Variants in CDC42BPA observed in about 807,000 individuals in gnomAD.
The protein encoded by CDC42BPA is CDC42 binding protein kinase alpha, also known as serine/threonine-protein kinase MRCK alpha.
Under a neutral mutation model 223.5 loss-of-function variants are expected in CDC42BPA, and 80 were observed. That is an observed-to-expected ratio of 0.36 (90% CI 0.30 to 0.43). The LOEUF (loss-of-function observed/expected upper bound fraction) is 0.43. CDC42BPA is among the 20% of genes least tolerant of loss of function. CDC42BPA has a pLI of 1.00. For synonymous variants in CDC42BPA, 694 were observed against 718.6 expected (o/e 0.97, Z 0.55); for missense variants, 1,743 against 2,099.9 (o/e 0.83, Z 3.32).
chr1:227,169,038 G>A (rs551214500), intron 5 of CDC42BPA, among the ~76,000 whole-genome samples: 6 of 152,022 alleles, frequency 3.9e-5, no homozygotes, highest in African/African-American at 1.2e-4. Flanking sequence ...TCTTTACTTT[G>A]TCATCTCCAC....
At chr1:227,037,096 A>G (rs777866002) in intron 24 of CDC42BPA, among the ~76,000 whole-genome samples, 15 of 152,358 alleles carry the variant, frequency 9.8e-5, no homozygotes, top group South Asian at 6.2e-4. Context: ...AAAAAATGAC[A>G]TGGGACTTAA....
intron 19 of CDC42BPA, 113 bp downstream of exon 19, chr1:227,073,751 T>C: frequency 1.3e-6 from 1 of 765,212 alleles, no homozygotes; most frequent in East Asian, 2.8e-5. Flanking sequence ...TGTAACATAT[T>C]TGGCCATCAT....
At chr1:227,202,760 C>CAAAAA (rs35609906) in intron 3 of CDC42BPA, among the ~76,000 whole-genome samples, 4 of 114,388 alleles carry the variant, frequency 3.5e-5, no homozygotes, top group Admixed American at 2.9e-4. Flanking sequence ...TCTCTACAGG[C>CAAAAA]AAAAAAAAAA....
At position 227,041,238 on chromosome 1, in the gene CDC42BPA, C is replaced by T. The variant is rs897016919; in HGVS notation, c.3094-1002G>A. 3.3e-5 allele frequency among the ~76,000 whole-genome samples: 5 copies of T among 152,054 alleles called. No individual in the cohort carries two copies. The East Asian group carries it at 9.6e-4, about 29-fold the overall frequency. ...ATGATGCTGAAGTTTAGGGCATGAC[C>T]GATCCATATTACCCAGGTACTGAGC... is the stretch of plus-strand genomic sequence containing the variant. On this transcript the variant is annotated intron_variant, in intron 23 of 36. Coordinates refer to ENST00000366766, the MANE Select transcript of CDC42BPA (RefSeq NM_001394014.1).
rs186264319 is a variant in CDC42BPA at position 227,072,048 on chromosome 1, T to C, written c.2827+160A>G. Among the ~76,000 whole-genome samples the C allele has an allele frequency of 7.2e-5, 11 of 152,086 alleles. No homozygotes were observed. In the East Asian group the frequency reaches 7.7e-4, roughly 11 times the overall value. On this transcript the variant is annotated intron_variant, in intron 20 of 36. Coordinates refer to ENST00000366766, the MANE Select transcript of CDC42BPA (RefSeq NM_001394014.1). ...GGTCAGTCTTCCAAATGTGTGTGTATGCACATGCATCATATATACACACGT... is the reference window on the plus strand; with the variant it reads ...GGTCAGTCTTCCAAATGTGTGTGTACGCACATGCATCATATATACACACGT...
intron 1 of CDC42BPA, among the ~76,000 whole-genome samples, chr1:227,289,573 C>G (rs895320759): frequency 1.3e-5 from 2 of 152,148 alleles, no homozygotes; most frequent in Non-Finnish European, 2.9e-5. Flanking sequence ...TGACCTCCCC[C>G]CAAATTATAA....
At chr1:227,154,377 A>G (rs1432455890) in intron 6 of CDC42BPA, among the ~76,000 whole-genome samples, 2 of 152,026 alleles carry the variant, frequency 1.3e-5, no homozygotes, top group African/African-American at 4.8e-5. Context: ...ATTAGACTCC[A>G]TGGTAAGAGA....
intron 17 of CDC42BPA, among the ~76,000 whole-genome samples, chr1:227,080,564 T>C (rs967286923): frequency 1.3e-5 from 2 of 152,180 alleles, no homozygotes; most frequent in African/African-American, 4.8e-5. Context: ...CTTTTGGTCT[T>C]AGAAAGAAAC....
chr1:227,175,540 A>G (rs1666805828), intron 5 of CDC42BPA, among the ~76,000 whole-genome samples: 1 of 152,140 alleles, frequency 6.6e-6, no homozygotes, highest in Non-Finnish European at 1.5e-5. Context: ...TACTGTTCAT[A>G]TTTTCAGTTC....
At chr1:227,257,295 A>ATATTTATAATAGAAATAAAGAAAAAT (rs1558886233) in intron 1 of CDC42BPA, among the ~76,000 whole-genome samples, 1 of 151,550 alleles carries the variant, frequency 6.6e-6, no homozygotes, top group African/African-American at 2.5e-5. Flanking sequence ...AATATAATTT[A>ATATTTATAATAGAAATAAAGAAAAAT]ATGCCACTGA....
At chr1:227,184,486 C>T (rs1433581933) in intron 5 of CDC42BPA, among the ~76,000 whole-genome samples, 2 of 152,020 alleles carry the variant, frequency 1.3e-5, no homozygotes, top group Non-Finnish European at 2.9e-5. Context: ...CTCTGTTAGC[C>T]TACATCTGGG....
intron 14 of CDC42BPA, among the ~76,000 whole-genome samples, chr1:227,108,655 T>TA (rs1309956811): frequency 1.3e-5 from 2 of 152,170 alleles, no homozygotes; most frequent in African/African-American, 2.4e-5. Flanking sequence ...CTTGAATACC[T>TA]AAAATCCACG....
intron 25 of CDC42BPA, 51 bp from the exon 26 acceptor site, chr1:227,034,845 A>G: frequency 6.7e-7 from 1 of 1,502,508 alleles, no homozygotes; most frequent in Non-Finnish European, 9.1e-7. Context: ...AAATGAAAAT[A>G]TCCCTTAAAT....
At chr1:227,043,623 GTTTTA>G (rs971306934) in intron 23 of CDC42BPA, among the ~76,000 whole-genome samples, 24 of 152,062 alleles carry the variant, frequency 1.6e-4, no homozygotes, top group Non-Finnish European at 2.2e-4. Context: ...CCTCACTCTA[GTTTTA>G]TTTTGTCTTA....
intron 24 of CDC42BPA, among the ~76,000 whole-genome samples, chr1:227,036,558 C>T (rs145765197): frequency 0.13 from 19,472 of 151,356 alleles, 1,332 homozygotes; most frequent in East Asian, 0.26. Flanking sequence ...GCCTCCCAAG[C>T]AGCTGGGACT....
intron 34 of CDC42BPA, among the ~76,000 whole-genome samples, chr1:227,012,103 A>G (rs1182967608): frequency 6.6e-6 from 1 of 152,208 alleles, no homozygotes; most frequent in Non-Finnish European, 1.5e-5. Flanking sequence ...GACGTACATG[A>G]AACTTTGACT....
intron 1 of CDC42BPA, among the ~76,000 whole-genome samples, chr1:227,272,318 T>A (rs1020724295): frequency 1.3e-5 from 2 of 152,172 alleles, no homozygotes; most frequent in African/African-American, 4.8e-5. Flanking sequence ...AATTGGATAT[T>A]TTTATGTTCT....
intron 5 of CDC42BPA, among the ~76,000 whole-genome samples, chr1:227,179,954 T>C (rs1214641923): frequency 6.6e-6 from 1 of 152,168 alleles, no homozygotes; most frequent in African/African-American, 2.4e-5. Flanking sequence ...ACGCCTGTAA[T>C]CCCAGTACTT....
intron 3 of CDC42BPA, among the ~76,000 whole-genome samples, chr1:227,208,514 T>C (rs1268593094): frequency 1.3e-5 from 2 of 149,174 alleles, no homozygotes; most frequent in South Asian, 2.2e-4. Flanking sequence ...CTTTAATCCA[T>C]CTTGAATTGA....
Sources: allele counts gnomAD v4.1 joint callset (sites outside exome capture counted in the v4.1 genomes callset), GRCh38; gene constraint gnomAD v4.1.1; transcripts MANE v1.5; gene names NCBI Gene and HGNC (gene_info 2026-07-23, HGNC 2026-07-21).